CCSER1: variants seen among roughly 807,000 people sequenced by gnomAD.
The protein encoded by CCSER1 is coiled-coil serine rich protein 1, also known as serine-rich coiled-coil domain-containing protein 1.
Under a neutral mutation model 82.0 loss-of-function variants are expected in CCSER1, and 41 were observed. The ratio of observed to expected loss-of-function variants is 0.50; its 90% CI spans 0.39 to 0.65. CCSER1 has a LOEUF of 0.65. Ranked by LOEUF, CCSER1 falls within the 30% of genes least tolerant of loss-of-function variation. The pLI is 0.00. For missense variants in CCSER1, 1,119 were observed against 1,064.2 expected, an observed-to-expected ratio of 1.05 and a Z score of -0.72; for synonymous variants, 414 against 383.9, an observed-to-expected ratio of 1.08 and a Z score of -0.92.
intron 5 of CCSER1, among the ~76,000 whole-genome samples, chr4:90,496,236 A>G (rs922789476): frequency 2.6e-5 from 4 of 152,344 alleles, no homozygotes; most frequent in African/African-American, 4.8e-5. Flanking sequence ...CTATTCAGGG[A>G]TAGCATGAAA....
chr4:91,091,728 G>T (rs1723978954), intron 10 of CCSER1, among the ~76,000 whole-genome samples: 2 of 152,102 alleles, frequency 1.3e-5, no homozygotes, highest in South Asian at 4.1e-4. Context: ...AATCCAGGCT[G>T]GAATTCCTTC....
chr4:90,692,304 A>G (rs911652719), intron 6 of CCSER1, among the ~76,000 whole-genome samples: 46 of 152,006 alleles, frequency 3.0e-4, no homozygotes, highest in Non-Finnish European at 4.7e-4. Flanking sequence ...AAATGCTTTT[A>G]TTAAATATGA....
At chr4:90,454,169 C>A (rs1761863550) in intron 4 of CCSER1, among the ~76,000 whole-genome samples, 1 of 151,274 alleles carries the variant, frequency 6.6e-6, no homozygotes, top group Non-Finnish European at 1.5e-5. Flanking sequence ...CTAGGGGACT[C>A]TGGGGTTTGT....
At position 90,460,102 on chromosome 4, in the gene CCSER1, G is replaced by A. The variant is rs527953474; in HGVS notation, c.1604-8132G>A. On this transcript the variant is annotated intron_variant, in intron 4 of 10. Transcript: ENST00000509176. ...AGCACTTTGGGAGGCCAAGACGGGC[G>A]GATCACGAGGTCAGGAGATCGAGAC... Among the ~76,000 whole-genome samples the A allele has an allele frequency of 3.8e-4, 55 of 146,032 alleles. No homozygotes were observed. The East Asian group carries it at 3.9e-3, about 10-fold the overall frequency.
chr4:91,117,375 G>A (rs538061144), intron 10 of CCSER1, among the ~76,000 whole-genome samples: 1 of 152,288 alleles, frequency 6.6e-6, no homozygotes, highest in African/African-American at 2.4e-5. Context: ...TTGGCCTTAA[G>A]CAAGCTATCT....
intron 10 of CCSER1, among the ~76,000 whole-genome samples, chr4:91,192,774 A>G (rs989050462): frequency 6.6e-6 from 1 of 152,178 alleles, no homozygotes; most frequent in Non-Finnish European, 1.5e-5. Context: ...GGTTTTTACA[A>G]AATAAAATCC....
chr4:91,008,327 G>T (rs978257836), intron 9 of CCSER1, among the ~76,000 whole-genome samples: 3 of 152,038 alleles, frequency 2.0e-5, no homozygotes, highest in Non-Finnish European at 4.4e-5. Flanking sequence ...TACTATTATT[G>T]TGTAGTTATC....
intron 5 of CCSER1, among the ~76,000 whole-genome samples, chr4:90,509,715 C>G (rs1273207984): frequency 6.6e-6 from 1 of 151,964 alleles, no homozygotes; most frequent in African/African-American, 2.4e-5. Flanking sequence ...TTATTAGTTC[C>G]AGTTGCATCC....
intron 8 of CCSER1, among the ~76,000 whole-genome samples, chr4:90,833,753 A>G (rs1761430684): frequency 6.6e-6 from 1 of 152,212 alleles, no homozygotes; most frequent in Non-Finnish European, 1.5e-5. Flanking sequence ...GTCCCTCAAA[A>G]GTTGGTTGTG....
At chr4:90,864,564 A>G (rs1765506152) in intron 8 of CCSER1, among the ~76,000 whole-genome samples, 1 of 151,996 alleles carries the variant, frequency 6.6e-6, no homozygotes, top group Admixed American at 6.6e-5. Flanking sequence ...CCAATCTTGG[A>G]CTTCCTAGCC....
chr4:90,203,261 A>T (rs1230921807), intron 1 of CCSER1, among the ~76,000 whole-genome samples: 1 of 152,150 alleles, frequency 6.6e-6, no homozygotes, highest in African/African-American at 2.4e-5. Flanking sequence ...GGTTTGTTAC[A>T]TAAGTATACA....
chr4:90,530,101 A>T (rs1338080474), intron 5 of CCSER1, among the ~76,000 whole-genome samples: 1 of 152,212 alleles, frequency 6.6e-6, no homozygotes, highest in Non-Finnish European at 1.5e-5. Context: ...AAACAAATAG[A>T]CATTCATTGA....
At chr4:90,456,545 G>T (rs1367976155) in intron 4 of CCSER1, among the ~76,000 whole-genome samples, 3 of 152,116 alleles carry the variant, frequency 2.0e-5, no homozygotes, top group African/African-American at 7.2e-5. Flanking sequence ...ACCCTCATTT[G>T]CCCCAGGACC....
chr4:90,941,129 T>C (rs988932875), intron 9 of CCSER1, among the ~76,000 whole-genome samples: 11 of 152,112 alleles, frequency 7.2e-5, no homozygotes, highest in Non-Finnish European at 1.6e-4. Context: ...GTTAAGGGAA[T>C]TATTTTATAA....
chr4:90,422,645 A>G (rs898469884), intron 4 of CCSER1, among the ~76,000 whole-genome samples: 1 of 152,014 alleles, frequency 6.6e-6, no homozygotes, highest in Non-Finnish European at 1.5e-5. Flanking sequence ...TGTTTCGAAA[A>G]CAGAAAAAAA....
intron 10 of CCSER1, among the ~76,000 whole-genome samples, chr4:91,289,537 A>G (rs1743588043): frequency 6.6e-6 from 1 of 152,202 alleles, no homozygotes; most frequent in African/African-American, 2.4e-5. Context: ...GTGGAAATTC[A>G]ATTCATTAAA....
At chr4:91,208,958 T>G (rs1014309265) in intron 10 of CCSER1, among the ~76,000 whole-genome samples, 2 of 151,966 alleles carry the variant, frequency 1.3e-5, no homozygotes, top group African/African-American at 4.8e-5. Flanking sequence ...CCTAGGTATT[T>G]TATTCTTTTT....
intron 5 of CCSER1, among the ~76,000 whole-genome samples, chr4:90,563,877 G>C (rs1779065074): frequency 6.6e-6 from 1 of 152,006 alleles, no homozygotes; most frequent in Non-Finnish European, 1.5e-5. Context: ...TTCTATAATG[G>C]CTATACTAAG....
intron 5 of CCSER1, among the ~76,000 whole-genome samples, chr4:90,551,704 C>CTATA (rs1242206717): frequency 1.1e-3 from 115 of 107,564 alleles, no homozygotes; most frequent in East Asian, 3.0e-3. Flanking sequence ...CTCTCTCTCT[C>CTATA]TCTATATATA....
Sources: gnomAD v4.1 joint callset for allele counts (sites outside exome capture counted in the v4.1 genomes callset) on GRCh38, gnomAD v4.1.1 for gene constraint, MANE v1.5 for transcripts, NCBI Gene and HGNC (gene_info 2026-07-23, HGNC 2026-07-21) for gene names.